Variants in DTX1 observed in about 807,000 individuals in gnomAD.
The protein encoded by DTX1 is deltex E3 ubiquitin ligase 1, also known as E3 ubiquitin-protein ligase DTX1.
In DTX1, 26 loss-of-function variants were observed where a neutral mutation model predicts 57.8. The ratio of observed to expected loss-of-function variants is 0.45; its 90% CI spans 0.33 to 0.62. The LOEUF is 0.62. DTX1 is among the 20% of genes least tolerant of loss of function. DTX1 has a pLI of 0.02. For synonymous variants in DTX1, 398 were observed against 394.1 expected (o/e 1.01, Z -0.12); for missense variants, 704 against 895.3 (o/e 0.79, Z 2.73).
rs1203040554 is a variant in DTX1 at position 113,097,486 on chromosome 12, T to A, written c.*547T>A. 1.3e-5 allele frequency: 2 copies of A among 152,604 alleles called. No individual in the cohort carries two copies. The highest frequency in any genetic ancestry group is 4.8e-5 in the African/African-American group (2 of 41,456). The allele number at this position is 152,604 out of a possible 1,614,324, so 9.5% of individuals were successfully genotyped here. ...ATCACCCATGTCTGCCACCCACTGA[T>A]TGGGCAATTGTGGGCCCATGGGGTG... On this transcript the variant is annotated 3_prime_UTR_variant, in exon 10 of 10. Coordinates refer to ENST00000548759, the MANE Select transcript of DTX1 (RefSeq NM_004416.3).
Position 113,088,618 on chromosome 12 carries a change from A to T in DTX1, c.942-4544A>T, listed in dbSNP as rs554754977. Reference sequence around the variant, plus strand: ...GAACTTAAAGTATAATTTTAAAAAAAGACTATAATGTCAGGTCGTGATTAG... The same window carrying T: ...GAACTTAAAGTATAATTTTAAAAAATGACTATAATGTCAGGTCGTGATTAG... On this transcript the variant is annotated intron_variant, in intron 3 of 9. Coordinates refer to ENST00000548759, the MANE Select transcript of DTX1 (RefSeq NM_004416.3). Among the ~76,000 whole-genome samples the T allele has an allele frequency of 1.8e-4, 28 of 152,412 alleles. No homozygotes were observed. The South Asian group carries it at 5.8e-3, about 32-fold the overall frequency.
At chr12:113,088,097 G>A (rs921403808) in intron 3 of DTX1, among the ~76,000 whole-genome samples, 1 of 152,244 alleles carries the variant, frequency 6.6e-6, no homozygotes, top group Middle Eastern at 3.2e-3. Context: ...CAACCTGGCA[G>A]GGTCAGCCCT....
Position 113,093,174 on chromosome 12 carries a change from C to G in DTX1, c.954C>G (p.Leu318=), listed in dbSNP as rs1337788879. 2 of 1,599,590 alleles carry G rather than the reference C, an allele frequency of 1.3e-6. No individual in the cohort carries two copies. Among genetic ancestry groups the G allele is most frequent in the East Asian group, 2.3e-5 (1 of 44,062 alleles). ...RASIPPGVPA[L]PVKNLNGTGP... is the part of the protein sequence containing the mutation. ...CTTCTCCCCGCAGGGTCCCCGCACTCCCGGTGAAGAACTTGAATGGTACTG... is the reference window on the plus strand; with the variant it reads ...CTTCTCCCCGCAGGGTCCCCGCACTGCCGGTGAAGAACTTGAATGGTACTG... Residue 318 remains leucine, a synonymous_variant, in exon 4 of 10, where the codon CTC becomes CTG. Coordinates refer to ENST00000548759, the MANE Select transcript of DTX1 (RefSeq NM_004416.3). The surrounding 1 kb of genome is among the most constrained non-coding windows in gnomAD (Gnocchi z 4.2).
chr12:113,058,481 C>A, intron 2 of DTX1, 30 bp downstream of exon 2: 1 of 1,567,314 alleles, frequency 6.4e-7, no homozygotes, highest in Non-Finnish European at 8.6e-7. Context: ...ATGCCACCCG[C>A]CCCGCCGAGC....
At position 113,059,162 on chromosome 12, in the gene DTX1, G is replaced by C. The variant is rs1488583250; in HGVS notation, c.259+711G>C. 3.3e-5 allele frequency among the ~76,000 whole-genome samples: 5 copies of C among 152,092 alleles called. No individual in the cohort carries two copies. The East Asian group carries it at 9.6e-4, about 29-fold the overall frequency. On this transcript the variant is annotated intron_variant, in intron 2 of 9. Transcript: ENST00000548759. ...TGACTCAGTGATAGTATTGATGGTGGTGGGGTCTTGGTGACAATGGAGGGA... is the reference window on the plus strand; with the variant it reads ...TGACTCAGTGATAGTATTGATGGTGCTGGGGTCTTGGTGACAATGGAGGGA...
chr12:113,093,988 C>A lies in DTX1; in HGVS notation c.1166-50C>A. The A allele has an allele frequency of 6.4e-7, 1 of 1,556,820 alleles. No individual in the cohort carries two copies. Among genetic ancestry groups the A allele is most frequent in the Non-Finnish European group, 8.7e-7 (1 of 1,148,614 alleles). ...CTGACCCAGTTCTGAGCCAAGCCTT[C>A]GGGGACAGACTCTGGGTACCCTCAA... On this transcript the variant is annotated intron_variant, in intron 5 of 9. Coordinates refer to ENST00000548759, the MANE Select transcript of DTX1 (RefSeq NM_004416.3). The surrounding 1 kb of genome is among the most constrained non-coding windows in gnomAD (Gnocchi z 4.2).
intron 2 of DTX1, among the ~76,000 whole-genome samples, chr12:113,069,869 T>G (rs1172127963): frequency 6.6e-6 from 1 of 152,140 alleles, no homozygotes; most frequent in Non-Finnish European, 1.5e-5. Context: ...AGGAGACAGG[T>G]GAGCAGCCAT....
intron 3 of DTX1, among the ~76,000 whole-genome samples, chr12:113,080,014 A>G (rs781341992): frequency 2.0e-5 from 3 of 152,174 alleles, no homozygotes; most frequent in Non-Finnish European, 4.4e-5. Context: ...TAGTTCAGCC[A>G]TGGCCGTTAG....
Position 113,077,906 on chromosome 12 carries a change from C to T in DTX1, c.742C>T (p.Arg248Cys). Residue 248 changes from arginine (R) to cysteine (C), a missense_variant, in exon 3 of 10, where the codon CGC becomes TGC. Coordinates refer to ENST00000548759, the MANE Select transcript of DTX1 (RefSeq NM_004416.3). This position sits in a 1 kb window ranked among gnomAD's most constrained non-coding sequence, Gnocchi z 7.8. ...PGGPPGALAV[R>C]PSATFTGAAL... ...AGGGCCTCCAGGCGCGCTTGCCGTG[C>T]GCCCCAGCGCCACCTTCACAGGCGC... 1 of 1,209,192 alleles carries T rather than the reference C, an allele frequency of 8.3e-7. No homozygotes were observed. The highest frequency in any genetic ancestry group is 1.6e-5 in the African/African-American group (1 of 62,156). The allele number at this position is 1,209,192 out of a possible 1,614,324, so 74.9% of individuals were successfully genotyped here.
chr12:113,067,244 A>G (rs1303485131), intron 2 of DTX1, among the ~76,000 whole-genome samples: 1 of 151,672 alleles, frequency 6.6e-6, no homozygotes, highest in Non-Finnish European at 1.5e-5. Context: ...CGGTAAGAGG[A>G]AGCACAGAGT....
Position 113,058,197 on chromosome 12 carries a change from C to T in DTX1, c.5C>T (p.Ser2Leu), listed in dbSNP as rs756300071. 1 of 1,600,724 alleles carries T rather than the reference C, an allele frequency of 6.2e-7. No homozygotes were observed. Among genetic ancestry groups the T allele is most frequent in the South Asian group, 1.1e-5 (1 of 90,180 alleles). The stretch of plus-strand genomic sequence containing the variant: ...GCCCCTGAGGCAGTGGCGGCCATGT[C>T]ACGGCCAGGCCACGGTGGGCTGATG... Reference protein sequence around the residue: MSRPGHGGLMPV... With the variant: MLRPGHGGLMPV... Residue 2 changes from serine to leucine, a missense_variant, in exon 2 of 10, where the codon TCA (serine) becomes TTA (leucine). This residue lies in a region of DTX1 where 237 missense variants were observed against 328.6 expected (regional missense o/e 0.72). Transcript: ENST00000548759.
chr12:113,093,961 C>T lies in DTX1; in HGVS notation c.1166-77C>T. 1 of 1,544,698 alleles carries T rather than the reference C, an allele frequency of 6.5e-7. No individual in the cohort carries two copies. Among genetic ancestry groups the T allele is most frequent in the Non-Finnish European group, 8.8e-7 (1 of 1,139,686 alleles). Reference sequence around the variant, plus strand: ...GCCAGCCTGACCCCTGCCCTCTGACCCCTGACCCAGTTCTGAGCCAAGCCT... The same window carrying T: ...GCCAGCCTGACCCCTGCCCTCTGACTCCTGACCCAGTTCTGAGCCAAGCCT... On this transcript the variant is annotated intron_variant, in intron 5 of 9. Coordinates refer to ENST00000548759, the MANE Select transcript of DTX1 (RefSeq NM_004416.3). This position sits in a 1 kb window ranked among gnomAD's most constrained non-coding sequence, Gnocchi z 4.2.
At chr12:113,074,756 A>C (rs1486566525) in intron 2 of DTX1, among the ~76,000 whole-genome samples, 2 of 152,154 alleles carry the variant, frequency 1.3e-5, no homozygotes, top group African/African-American at 4.8e-5. Flanking sequence ...GGGTGGTGTG[A>C]GTGCAGTGGG....
At chr12:113,087,911 AC>A (rs1457201055) in intron 3 of DTX1, among the ~76,000 whole-genome samples, 1 of 152,000 alleles carries the variant, frequency 6.6e-6, no homozygotes, top group Admixed American at 6.6e-5. Flanking sequence ...GGGATCCTGG[AC>A]CCCTCTAGGG....
At chr12:113,087,923 G>T (rs567052634) in intron 3 of DTX1, among the ~76,000 whole-genome samples, 2 of 152,278 alleles carry the variant, frequency 1.3e-5, no homozygotes, top group South Asian at 2.1e-4. Context: ...CCCTCTAGGG[G>T]ACAGAGAGAG....
rs1418095876 is a variant in DTX1, at chr12:113,078,045, T to G, written c.881T>G (p.Leu294Arg). ...GCGCGCACCCCGGGGCAGAACAACC[T>G]CAACCGGCCCGGGCCCCAGCGCACC... ...GGARTPGQNN[L>R]NRPGPQRTTS... is the part of the protein sequence containing the mutation. The change falls in exon 3 of 10, where the codon CTC becomes CGC. Residue 294 changes from leucine to arginine, a missense_variant. By Grantham distance (102) the Leu-to-Arg change is moderately radical. Around this residue, in one of 3 missense-constraint regions of DTX1, gnomAD observed 299 missense variants for 311.2 expected, o/e 0.96. Coordinates refer to ENST00000548759, the MANE Select transcript of DTX1 (RefSeq NM_004416.3). The G allele has an allele frequency of 7.4e-7, 1 of 1,348,742 alleles. No individual in the cohort carries two copies. The highest frequency in any genetic ancestry group is 1.5e-5 in the African/African-American group (1 of 64,922). 83.5% of individuals were successfully genotyped at this position (1,348,742 alleles called of 1,614,324 possible).
intron 3 of DTX1, among the ~76,000 whole-genome samples, chr12:113,082,808 G>T (rs1281666176): frequency 1.3e-5 from 2 of 152,132 alleles, no homozygotes; most frequent in African/African-American, 2.4e-5. Context: ...ATGTTGCCCA[G>T]GCTGGTCTCA....
At chr12:113,069,701 G>T (rs925256274) in intron 2 of DTX1, among the ~76,000 whole-genome samples, 2 of 152,124 alleles carry the variant, frequency 1.3e-5, no homozygotes, top group African/African-American at 4.8e-5. Context: ...TTCTTAGGGA[G>T]CCTCAGTCTC....
chr12:113,077,387 C>T lies in DTX1; in HGVS notation c.260-37C>T. ...CCCTTCCAGCCGCGCAGACCAACGC[C>T]CGCTGTGCTGACGCCTCCTCCCCAT... On this transcript the variant is annotated intron_variant, in intron 2 of 9. Coordinates refer to ENST00000548759, the MANE Select transcript of DTX1 (RefSeq NM_004416.3). This position sits in a 1 kb window ranked among gnomAD's most constrained non-coding sequence, Gnocchi z 7.8. 6.4e-7 allele frequency: 1 copy of T among 1,561,574 alleles called. No homozygotes were observed. The highest frequency in any genetic ancestry group is 1.2e-5 in the South Asian group (1 of 82,768).
Sources: gnomAD v4.1 joint callset for allele counts (sites outside exome capture counted in the v4.1 genomes callset) on GRCh38, gnomAD v4.1.1 for gene constraint, gnomAD v4.1.1 regional missense constraint, Gnocchi (gnomAD v3.1) non-coding constraint, MANE v1.5 for transcripts, NCBI Gene and HGNC (gene_info 2026-07-23, HGNC 2026-07-21) for gene names.